Variants in SRRM3 observed in about 807,000 individuals in gnomAD.
The protein encoded by SRRM3 is serine/arginine repetitive matrix protein 3.
A neutral mutation model predicts 66.2 loss-of-function variants in SRRM3; 27 were observed. The observed-to-expected ratio is 0.41, with a 90% confidence interval of 0.30 to 0.56. The LOEUF (loss-of-function observed/expected upper bound fraction) is 0.56, where lower values mean the gene tolerates loss of function less well. SRRM3 is among the 20% of genes least tolerant of loss of function. The pLI is 0.32. For synonymous variants in SRRM3, 391 were observed against 414.9 expected (o/e 0.94, Z 0.70); for missense variants, 918 against 991.9 (o/e 0.93, Z 1.00).
At chr7:76,284,172 C>CTTTTT (rs61170781) in intron 14 of SRRM3, among the ~76,000 whole-genome samples, 47 of 134,624 alleles carry the variant, frequency 3.5e-4, no homozygotes, top group African/African-American at 1.2e-3. Context: ...GCTACTGCTT[C>CTTTTT]TTTTTTTTTT....
intron 1 of SRRM3, among the ~76,000 whole-genome samples, chr7:76,212,024 T>G (rs940052855): frequency 6.6e-6 from 1 of 151,258 alleles, no homozygotes; most frequent in Non-Finnish European, 1.5e-5. Context: ...AAATGTTTTT[T>G]GTAGAGACAG....
At chr7:76,221,145 C>T (rs542270354) in intron 1 of SRRM3, among the ~76,000 whole-genome samples, 1 of 151,876 alleles carries the variant, frequency 6.6e-6, no homozygotes, top group African/African-American at 2.4e-5. Flanking sequence ...GCAACCTCCG[C>T]CTCCTGGGTA....
intron 14 of SRRM3, among the ~76,000 whole-genome samples, chr7:76,284,294 C>A (rs1802604189): frequency 6.6e-6 from 1 of 152,004 alleles, no homozygotes; most frequent in Non-Finnish European, 1.5e-5. Flanking sequence ...CCTGCCTCAG[C>A]CTCCCAAGTA....
chr7:76,282,845 C>T lies in SRRM3; in HGVS notation c.1568C>T (p.Ser523Leu). 1 of 1,454,354 alleles carries T rather than the reference C, an allele frequency of 6.9e-7. No individual in the cohort carries two copies. The highest frequency in any genetic ancestry group is 9.0e-7 in the Non-Finnish European group (1 of 1,108,130). 90.1% of individuals were successfully genotyped at this position (1,454,354 alleles called of 1,614,324 possible). Residue 523 changes from serine to leucine, a missense_variant, in exon 13 of 15, where the codon TCG becomes TTG. Transcript: ENST00000611745. ...AAGCGGCCCCACAGCCCCAGCCGCTCGCCGTCGCCCAAGAAGCCCCTCAGC... is the reference window on the plus strand; with the variant it reads ...AAGCGGCCCCACAGCCCCAGCCGCTTGCCGTCGCCCAAGAAGCCCCTCAGC... Reference protein sequence around the residue: ...AEKRPHSPSRSPSPKKPLSRD... With the variant: ...AEKRPHSPSRLPSPKKPLSRD...
At position 76,259,819 on chromosome 7, in the gene SRRM3, C is replaced by A. The variant is rs1414913599; in HGVS notation, c.336-87C>A. 5.1e-6 allele frequency: 8 copies of A among 1,574,178 alleles called. No individual in the cohort carries two copies. The Admixed American group carries it at 8.5e-5, about 17-fold the overall frequency. On this transcript the variant is annotated intron_variant, in intron 3 of 14. Coordinates refer to ENST00000611745, the MANE Select transcript of SRRM3 (RefSeq NM_001110199.3). ...AGCCGGGTAGCAGCCCGCAGACTTG[C>A]GGGGCTAGGTCAGGCCCCCTGCGCC...
chr7:76,265,263 G>A, intron 9 of SRRM3, 101 bp from the exon 10 acceptor site: 1 of 733,874 alleles, frequency 1.4e-6, no homozygotes, highest in Non-Finnish European at 2.2e-6. Context: ...CTTTCAGTAG[G>A]GTTCCACTGG....
rs879970782 is a variant in SRRM3 at position 76,285,492 on chromosome 7, T to C, written c.1734-123T>C. ...GTAACCAATGACCGTCAGATTCCAT[T>C]TGGAGAAGGCAGGTGTCTCTAAGGC... is the stretch of plus-strand genomic sequence containing the variant. On this transcript the variant is annotated intron_variant, in intron 14 of 14. Coordinates refer to ENST00000611745, the MANE Select transcript of SRRM3 (RefSeq NM_001110199.3). The surrounding 1 kb of genome is among the most constrained non-coding windows in gnomAD (Gnocchi z 4.1). 1.4e-6 allele frequency: 1 copy of C among 719,636 alleles called. No homozygotes were observed. Among genetic ancestry groups the C allele is most frequent in the Non-Finnish European group, 2.3e-6 (1 of 434,222 alleles). 44.6% of individuals were successfully genotyped at this position (719,636 alleles called of 1,614,324 possible). A position where few individuals can be genotyped will look rare whatever the true frequency, so the allele number is the denominator to read the frequency against.
intron 11 of SRRM3, among the ~76,000 whole-genome samples, chr7:76,270,641 G>A (rs553215627): frequency 5.9e-5 from 9 of 152,070 alleles, no homozygotes; most frequent in East Asian, 1.9e-4. Flanking sequence ...GCGAACCCCC[G>A]TCTCTACTAA....
At chr7:76,251,916 T>C (rs1801591162) in intron 3 of SRRM3, among the ~76,000 whole-genome samples, 1 of 151,832 alleles carries the variant, frequency 6.6e-6, no homozygotes, top group Admixed American at 6.6e-5. Flanking sequence ...ATACAAAAAA[T>C]TAGCTGAGCA....
chr7:76,268,401 T>A (rs1247734926), intron 11 of SRRM3: 1 of 56,048 alleles, frequency 1.8e-5, no homozygotes, highest in African/African-American at 7.0e-5. Context: ...GGTGGGGGGG[T>A]GGCTTGGGGT....
At chr7:76,282,526 A>C in intron 12 of SRRM3, 122 bp from the exon 13 acceptor site, 4 of 522,806 alleles carry the variant, frequency 7.7e-6, no homozygotes, top group Non-Finnish European at 3.1e-6. Context: ...CTCCGCGCGA[A>C]CTGACCACAA....
At chr7:76,231,677 G>A (rs1319732274) in intron 1 of SRRM3, among the ~76,000 whole-genome samples, 1 of 152,260 alleles carries the variant, frequency 6.6e-6, no homozygotes, top group Non-Finnish European at 1.5e-5. Flanking sequence ...AGGGCTCACA[G>A]TTTAGAATAG....
intron 11 of SRRM3, among the ~76,000 whole-genome samples, chr7:76,274,545 C>A (rs1176207276): frequency 1.3e-5 from 2 of 152,208 alleles, no homozygotes; most frequent in Non-Finnish European, 1.5e-5. Flanking sequence ...CTCCTTCTAC[C>A]CTCAGCATCC....
chr7:76,241,269 G>A (rs782542354), intron 2 of SRRM3, among the ~76,000 whole-genome samples: 3 of 152,140 alleles, frequency 2.0e-5, no homozygotes, highest in Admixed American at 6.5e-5. Flanking sequence ...TAGGCTGGCC[G>A]GCTCTGCCAC....
At chr7:76,267,475 G>A in intron 11 of SRRM3, 40 bp downstream of exon 11, 14 of 1,305,380 alleles carry the variant, frequency 1.1e-5, no homozygotes, top group Non-Finnish European at 1.2e-5. Flanking sequence ...CCGCGCCGCG[G>A]GCTGCGCCGT....
Position 76,285,396 on chromosome 7 carries a change from G to C in SRRM3, c.1734-219G>C, listed in dbSNP as rs1394473520. Reference sequence around the variant, plus strand: ...GTATTTATTAGCAGGTGTTCGGATCGGGCAGAGACATGGTCTCCTTTCCCT... The same window carrying C: ...GTATTTATTAGCAGGTGTTCGGATCCGGCAGAGACATGGTCTCCTTTCCCT... On this transcript the variant is annotated intron_variant, in intron 14 of 14. Coordinates refer to ENST00000611745, the MANE Select transcript of SRRM3 (RefSeq NM_001110199.3). The surrounding 1 kb of genome is among the most constrained non-coding windows in gnomAD (Gnocchi z 4.1). The C allele has an allele frequency of 8.7e-6, 5 of 577,314 alleles. No homozygotes were observed. Among genetic ancestry groups the C allele is most frequent in the East Asian group, 5.8e-5 (2 of 34,380 alleles). The allele number at this position is 577,314 out of a possible 1,614,324, so 35.8% of individuals were successfully genotyped here.
At chr7:76,228,531 T>C (rs1314507133) in intron 1 of SRRM3, among the ~76,000 whole-genome samples, 1 of 152,048 alleles carries the variant, frequency 6.6e-6, no homozygotes, top group Admixed American at 6.6e-5. Flanking sequence ...AAGACCAGTC[T>C]GGCCAACATA....
chr7:76,277,716 C>CAAAAAA (rs386353056), intron 11 of SRRM3, among the ~76,000 whole-genome samples: 5 of 102,752 alleles, frequency 4.9e-5, no homozygotes, highest in South Asian at 3.5e-4. Context: ...TAAACAACAA[C>CAAAAAA]AAAAAAAAAA....
At chr7:76,232,235 G>C (rs1333156784) in intron 1 of SRRM3, among the ~76,000 whole-genome samples, 3 of 152,068 alleles carry the variant, frequency 2.0e-5, no homozygotes, top group Non-Finnish European at 1.5e-5. Context: ...ACAACAGCGA[G>C]AACTCTGGGA....
Sources: allele counts gnomAD v4.1 joint callset (sites outside exome capture counted in the v4.1 genomes callset), GRCh38; gene constraint gnomAD v4.1.1; non-coding constraint Gnocchi (gnomAD v3.1); transcripts MANE v1.5; gene names NCBI Gene and HGNC (gene_info 2026-07-23, HGNC 2026-07-21).